Variants in CD247 observed in about 807,000 individuals in gnomAD.
CD247 encodes the protein CD247 molecule, also known as T-cell surface glycoprotein CD3 zeta chain.
In CD247, 13 loss-of-function variants were observed where a neutral mutation model predicts 30.0. That is an observed-to-expected ratio of 0.43 (90% confidence interval 0.28 to 0.69). The LOEUF (loss-of-function observed/expected upper bound fraction) is 0.69, where lower values mean the gene tolerates loss of function less well. Ranked by LOEUF, CD247 falls within the 30% of genes least tolerant of loss-of-function variation. CD247 has a pLI of 0.16. For synonymous variants in CD247, 72 were observed against 80.0 expected (o/e 0.90, Z 0.53); for missense variants, 193 against 212.6 (o/e 0.91, Z 0.57).
chr1:167,457,197 C>T (rs1270541446), intron 1 of CD247, among the ~76,000 whole-genome samples: 5 of 152,184 alleles, frequency 3.3e-5, no homozygotes, highest in African/African-American at 7.2e-5. Flanking sequence ...GGTGCTTTTG[C>T]TCCTGGAATG....
intron 7 of CD247, among the ~76,000 whole-genome samples, chr1:167,432,105 G>C (rs542896556): frequency 3.0e-4 from 11 of 36,630 alleles, no homozygotes; most frequent in African/African-American, 9.7e-4. Flanking sequence ...CAGGAATCAG[G>C]GGGGAGGGCC....
In CD247 at chr1:167,455,009, G is replaced by A. The variant is rs1193233291; in HGVS notation, c.59-14242C>T. 3.3e-5 allele frequency among the ~76,000 whole-genome samples: 5 copies of A among 152,228 alleles called. No homozygotes were observed. The South Asian group carries it at 8.3e-4, about 25-fold the overall frequency. On this transcript the variant is annotated intron_variant, in intron 1 of 7. Coordinates refer to ENST00000362089, the MANE Select transcript of CD247 (RefSeq NM_198053.3). ...AGCCCAAGCCCAAGCTCCTCCCGGA[G>A]CTCCCCGAGCCGGGGCCAGGCCTCC...
intron 4 of CD247, 33 bp from the exon 5 acceptor site, chr1:167,435,467 G>T: frequency 1.9e-6 from 3 of 1,588,252 alleles, no homozygotes; most frequent in Non-Finnish European, 2.6e-6. Context: ...GTTAGAGGGA[G>T]AGAAACACAA....
chr1:167,481,023 T>A (rs1214608), intron 1 of CD247, among the ~76,000 whole-genome samples: 83,244 of 152,126 alleles, frequency 0.55, 23,143 homozygotes, highest in South Asian at 0.65. Flanking sequence ...GTGGTGGCTC[T>A]TGCCTGTAAT....
At chr1:167,478,298 G>A (rs138495318) in intron 1 of CD247, among the ~76,000 whole-genome samples, 15 of 152,326 alleles carry the variant, frequency 9.8e-5, no homozygotes, top group African/African-American at 2.6e-4. Flanking sequence ...TTCTAGCTAC[G>A]CAGTTAATGG....
At chr1:167,488,383 T>G (rs1654303807) in intron 1 of CD247, among the ~76,000 whole-genome samples, 1 of 152,208 alleles carries the variant, frequency 6.6e-6, no homozygotes, top group Admixed American at 6.5e-5. Flanking sequence ...ACAGAAAGAT[T>G]GGGCTCAACT....
rs34260027 is a variant in CD247, at chr1:167,515,284, G to A, written c.58+3124C>T. On this transcript the variant is annotated intron_variant, in intron 1 of 7. Transcript: ENST00000362089. ...GTTTGCATTTAGATACTCAGTCGCTGTGCACCCACAATAGCCCTTTGGCTT... is the reference window on the plus strand; with the variant it reads ...GTTTGCATTTAGATACTCAGTCGCTATGCACCCACAATAGCCCTTTGGCTT... Among the ~76,000 whole-genome samples, 21 of 152,326 alleles carry A rather than the reference G, an allele frequency of 1.4e-4. No individual in the cohort carries two copies. In the East Asian group the frequency reaches 4.0e-3, roughly 29 times the overall value.
chr1:167,453,037 A>ATTTATATATATTATAGATATATAT (rs1652439560), intron 1 of CD247, among the ~76,000 whole-genome samples: 1 of 98,916 alleles, frequency 1.0e-5, no homozygotes, highest in Non-Finnish European at 2.0e-5. Context: ...GATATATATT[A>ATTTATATATATTATAGATATATAT]TATATATATA....
chr1:167,444,632 G>T (rs1271284462), intron 1 of CD247, among the ~76,000 whole-genome samples: 1 of 152,120 alleles, frequency 6.6e-6, no homozygotes, highest in Non-Finnish European at 1.5e-5. Flanking sequence ...AGTGGAACCT[G>T]GGCATGGGGA....
chr1:167,431,376 G>A lies in CD247; in HGVS notation c.*305C>T. On this transcript the variant is annotated 3_prime_UTR_variant, in exon 8 of 8. Coordinates refer to ENST00000362089, the MANE Select transcript of CD247 (RefSeq NM_198053.3). The stretch of plus-strand genomic sequence containing the variant: ...AACAGACTCAACAACTCAGCTGTGA[G>A]AGGCAGTGCGCCCGCCTCCCAGGGA... The A allele has an allele frequency of 1.7e-6, 1 of 600,338 alleles. No individual in the cohort carries two copies. Among genetic ancestry groups the A allele is most frequent in the East Asian group, 2.7e-5 (1 of 36,452 alleles). The allele number at this position is 600,338 out of a possible 1,614,324, so 37.2% of individuals were successfully genotyped here. A position where few individuals can be genotyped will look rare whatever the true frequency, so the allele number is the denominator to read the frequency against.
At position 167,494,544 on chromosome 1, in the gene CD247, G is replaced by T. The variant is rs1473949920; in HGVS notation, c.58+23864C>A. On this transcript the variant is annotated intron_variant, in intron 1 of 7. Transcript: ENST00000362089. This position sits in a 1 kb window ranked among gnomAD's most constrained non-coding sequence, Gnocchi z 7.3. Reference sequence around the variant, plus strand: ...CCTCATGGGGCTGCTGTGAGGGTCAGATGAGAAAATGGGTGGGGAGGTAAT... The same window carrying T: ...CCTCATGGGGCTGCTGTGAGGGTCATATGAGAAAATGGGTGGGGAGGTAAT... Among the ~76,000 whole-genome samples the T allele has an allele frequency of 2.0e-5, 3 of 152,164 alleles. No homozygotes were observed. The highest frequency in any genetic ancestry group is 4.4e-5 in the Non-Finnish European group (3 of 68,028).
chr1:167,452,423 A>AAG (rs1652397644), intron 1 of CD247, among the ~76,000 whole-genome samples: 1 of 151,946 alleles, frequency 6.6e-6, no homozygotes, highest in Admixed American at 6.6e-5. Context: ...AAAAAAAAAA[A>AAG]AAAAAAGATG....
intron 1 of CD247, among the ~76,000 whole-genome samples, chr1:167,498,569 A>G (rs996253037): frequency 6.6e-6 from 1 of 152,230 alleles, no homozygotes; most frequent in African/African-American, 2.4e-5. Flanking sequence ...AACATTTATT[A>G]CAGTGCTGCT....
chr1:167,480,474 G>A (rs1052685583), intron 1 of CD247, among the ~76,000 whole-genome samples: 2 of 152,072 alleles, frequency 1.3e-5, no homozygotes, highest in African/African-American at 4.8e-5. Context: ...CTCTCCTCCT[G>A]CTCAACCAGC....
In CD247 at chr1:167,441,125, C is replaced by A. The variant is rs1464637958; in HGVS notation, c.59-358G>T. 3.9e-5 allele frequency among the ~76,000 whole-genome samples: 6 copies of A among 152,302 alleles called. No individual in the cohort carries two copies. The East Asian group carries it at 5.8e-4, about 15-fold the overall frequency. ...CGGTGTGAACCAAGAACTCTGGAAGCCTCGGGAAGATGTTCACGTCTGGAT... is the reference window on the plus strand; with the variant it reads ...CGGTGTGAACCAAGAACTCTGGAAGACTCGGGAAGATGTTCACGTCTGGAT... On this transcript the variant is annotated intron_variant, in intron 1 of 7. Transcript: ENST00000362089.
At chr1:167,510,171 C>T (rs1655327873) in intron 1 of CD247, among the ~76,000 whole-genome samples, 1 of 152,204 alleles carries the variant, frequency 6.6e-6, no homozygotes, top group Non-Finnish European at 1.5e-5. Flanking sequence ...CCTAAACACA[C>T]ACACCATACA....
intron 4 of CD247, among the ~76,000 whole-genome samples, chr1:167,438,166 C>T (rs971879828): frequency 6.6e-6 from 1 of 152,168 alleles, no homozygotes; most frequent in Non-Finnish European, 1.5e-5. Flanking sequence ...GCCAAGAGGT[C>T]AAACCCCCCA....
At chr1:167,501,124 G>T (rs370441242) in intron 1 of CD247, among the ~76,000 whole-genome samples, 1 of 148,624 alleles carries the variant, frequency 6.7e-6, no homozygotes, top group South Asian at 2.1e-4. Context: ...GCGCGATCTC[G>T]GCTCACCACA....
At chr1:167,432,801 G>A (rs1228313889) in intron 7 of CD247, among the ~76,000 whole-genome samples, 1 of 152,210 alleles carries the variant, frequency 6.6e-6, no homozygotes, top group African/African-American at 2.4e-5. Context: ...GGCCAAGCAA[G>A]GCATGGTTGG....
Sources: allele counts gnomAD v4.1 joint callset (sites outside exome capture counted in the v4.1 genomes callset), GRCh38; gene constraint gnomAD v4.1.1; non-coding constraint Gnocchi (gnomAD v3.1); transcripts MANE v1.5; gene names NCBI Gene and HGNC (gene_info 2026-07-23, HGNC 2026-07-21).